Variants in BABAM2 observed in about 807,000 individuals in gnomAD.
The protein encoded by BABAM2 is BRISC and BRCA1-A complex member 2.
BABAM2 carries 31 observed loss-of-function variants against 54.7 expected under a neutral mutation model. The ratio of observed to expected loss-of-function variants is 0.57; its 90% confidence interval spans 0.43 to 0.77. The LOEUF is 0.77. BABAM2 is among the 30% of genes least tolerant of loss of function. BABAM2 has a pLI of 0.00. For missense variants in BABAM2, 364 were observed against 455.8 expected (o/e 0.80, Z 1.83); for synonymous variants, 167 against 162.9 (o/e 1.03, Z -0.19).
At chr2:28,085,386 A>G (rs571011262) in intron 6 of BABAM2, among the ~76,000 whole-genome samples, 76 of 152,318 alleles carry the variant, frequency 5.0e-4, no homozygotes, top group African/African-American at 1.8e-3. Context: ...TGCAGGAATG[A>G]TTTATGCATC....
chr2:28,184,263 C>CT (rs1676004291), intron 7 of BABAM2, among the ~76,000 whole-genome samples: 3 of 59,402 alleles, frequency 5.1e-5, no homozygotes, highest in African/African-American at 1.3e-4. Flanking sequence ...TCCCTCCCTC[C>CT]CTCTCTCTCT....
chr2:28,294,211 T>A (rs1046644094), intron 10 of BABAM2, among the ~76,000 whole-genome samples: 2 of 152,032 alleles, frequency 1.3e-5, no homozygotes, highest in East Asian at 3.9e-4. Context: ...AAACCCCATC[T>A]CTACTAAAAA....
intron 7 of BABAM2, among the ~76,000 whole-genome samples, chr2:28,146,003 C>A (rs1450001776): frequency 2.0e-5 from 3 of 152,160 alleles, no homozygotes; most frequent in African/African-American, 7.2e-5. Flanking sequence ...TGGATTGTTA[C>A]CACTTTTTGC....
chr2:28,146,319 T>G (rs1283946835), intron 7 of BABAM2, among the ~76,000 whole-genome samples: 1 of 152,254 alleles, frequency 6.6e-6, no homozygotes, highest in Non-Finnish European at 1.5e-5. Flanking sequence ...GCTAGAATTC[T>G]TGTCTACTTC....
intron 7 of BABAM2, among the ~76,000 whole-genome samples, chr2:28,173,869 G>GT (rs1190405860): frequency 2.0e-5 from 3 of 152,110 alleles, no homozygotes; most frequent in Non-Finnish European, 4.4e-5. Flanking sequence ...TGACCTTTGA[G>GT]TTTTCAAACC....
In BABAM2 at chr2:27,936,840, G is replaced by C. The variant is rs868223511; in HGVS notation, c.205+6932G>C. ...GGAGGGATAGCATTAGGAGATATAC[G>C]TAATGCTAAATGACGAGTTAATGGG... On this transcript the variant is annotated intron_variant, in intron 3 of 11. Coordinates refer to ENST00000379624, the MANE Select transcript of BABAM2 (RefSeq NM_199191.3). Among the ~76,000 whole-genome samples the C allele has an allele frequency of 1.0e-3, 159 of 152,058 alleles. 1 individual carries two copies. Among genetic ancestry groups the C allele is most frequent in the Admixed American group, 2.0e-3 (31 of 15,258 alleles).
intron 6 of BABAM2, among the ~76,000 whole-genome samples, chr2:28,049,561 TCTA>T (rs140218063): frequency 0.043 from 6,554 of 152,294 alleles, 183 homozygotes; most frequent in Non-Finnish European, 0.066. Flanking sequence ...GAAATTTAGT[TCTA>T]CTGTGGAATC....
intron 6 of BABAM2, among the ~76,000 whole-genome samples, chr2:28,046,787 C>CT (rs956125686): frequency 5.5e-4 from 80 of 144,406 alleles, no homozygotes; most frequent in Middle Eastern, 3.6e-3. Context: ...TACATTCCAT[C>CT]TTTTTTTTTT....
intron 8 of BABAM2, among the ~76,000 whole-genome samples, chr2:28,239,583 T>G (rs548063485): frequency 3.3e-5 from 5 of 152,342 alleles, no homozygotes; most frequent in African/African-American, 1.2e-4. Context: ...ATTGTAATAC[T>G]CCTTATTCTG....
At position 28,085,377 on chromosome 2, in the gene BABAM2, G is replaced by C. The variant is rs115290475; in HGVS notation, c.570+39578G>C. Among the ~76,000 whole-genome samples the C allele has an allele frequency of 7.7e-3, 1,169 of 152,216 alleles. 14 individuals are homozygous for C. Among genetic ancestry groups the C allele is most frequent in the African/African-American group, 0.027 (1,131 of 41,530 alleles). ...GAATGGTACATTATAAATGTATTCT[G>C]CAGGAATGATTTATGCATCTGACTT... On this transcript the variant is annotated intron_variant, in intron 6 of 11. Transcript: ENST00000379624.
intron 4 of BABAM2, among the ~76,000 whole-genome samples, chr2:27,993,797 G>T (rs1026683792): frequency 1.3e-5 from 2 of 152,116 alleles, no homozygotes; most frequent in Admixed American, 1.3e-4. Context: ...TTCTGCTTGC[G>T]TAGAATGTAA....
Position 28,327,480 on chromosome 2 carries a change from G to A in BABAM2, c.1089-10970G>A, listed in dbSNP as rs1360529195. 6 of 1,526,040 alleles carry A rather than the reference G, an allele frequency of 3.9e-6. No homozygotes were observed. The African/African-American group carries it at 8.3e-5, about 21-fold the overall frequency. 94.5% of individuals were successfully genotyped at this position (1,526,040 alleles called of 1,614,324 possible). On this transcript the variant is annotated intron_variant, in intron 11 of 11. Coordinates refer to ENST00000379624, the MANE Select transcript of BABAM2 (RefSeq NM_199191.3). ...TTTAAAAATACCCTGTGATTTAGCA[G>A]GAACCAGAATTCATCCCAATACTTT...
intron 11 of BABAM2, among the ~76,000 whole-genome samples, chr2:28,314,746 A>T (rs943129418): frequency 6.6e-6 from 1 of 152,100 alleles, no homozygotes; most frequent in African/African-American, 2.4e-5. Flanking sequence ...CGTGCAGGGA[A>T]AGAGCACTAG....
At chr2:28,078,629 AT>A (rs1461564874) in intron 6 of BABAM2, among the ~76,000 whole-genome samples, 1 of 152,144 alleles carries the variant, frequency 6.6e-6, no homozygotes, top group African/African-American at 2.4e-5. Flanking sequence ...GGACTATTGT[AT>A]TTAGATGGGA....
At chr2:28,002,356 G>A (rs939927935) in intron 4 of BABAM2, among the ~76,000 whole-genome samples, 2 of 152,144 alleles carry the variant, frequency 1.3e-5, no homozygotes, top group African/African-American at 4.8e-5. Context: ...TATTGCTCTG[G>A]GGAATAGAAT....
At chr2:28,241,587 C>G (rs1214346515) in intron 9 of BABAM2, among the ~76,000 whole-genome samples, 194 bp downstream of exon 9, 1 of 152,060 alleles carries the variant, frequency 6.6e-6, no homozygotes, top group African/African-American at 2.4e-5. Flanking sequence ...CTCCACTTCC[C>G]GAGTTCAAGC....
At chr2:27,976,583 A>G (rs998141956) in intron 3 of BABAM2, among the ~76,000 whole-genome samples, 1 of 152,180 alleles carries the variant, frequency 6.6e-6, no homozygotes, top group Non-Finnish European at 1.5e-5. Context: ...ACACAGGGAT[A>G]GCATGAAGAC....
chr2:28,193,438 C>T (rs560834203), intron 7 of BABAM2, among the ~76,000 whole-genome samples: 5 of 152,098 alleles, frequency 3.3e-5, no homozygotes, highest in East Asian at 1.9e-4. Flanking sequence ...CATGTGACCT[C>T]GGCAAGTCAT....
intron 11 of BABAM2, among the ~76,000 whole-genome samples, chr2:28,333,742 C>T (rs1691167787): frequency 6.6e-6 from 1 of 152,240 alleles, no homozygotes; most frequent in Non-Finnish European, 1.5e-5. Flanking sequence ...GAGCTTGACA[C>T]TCAGGGCCCT....
Sources: gnomAD v4.1 joint callset for allele counts (sites outside exome capture counted in the v4.1 genomes callset) on GRCh38, gnomAD v4.1.1 for gene constraint, MANE v1.5 for transcripts, NCBI Gene and HGNC (gene_info 2026-07-23, HGNC 2026-07-21) for gene names.